Variants in ERC2 observed in about 807,000 individuals in gnomAD.
ERC2 encodes the protein ERC protein 2.
In ERC2, 42 loss-of-function variants were observed where a neutral mutation model predicts 114.8. The ratio of observed to expected loss-of-function variants is 0.37; its 90% CI spans 0.29 to 0.47. The LOEUF is 0.47. ERC2 is among the 20% of genes least tolerant of loss of function. The probability of loss-of-function intolerance (pLI) is 0.99; values close to 1 mark genes in which losing one functional copy is unlikely to be tolerated. For synonymous variants in ERC2, 454 were observed against 425.5 expected, an observed-to-expected ratio of 1.07 and a Z score of -0.82; for missense variants, 939 against 1,150.7, an observed-to-expected ratio of 0.82 and a Z score of 2.66.
chr3:55,976,745 AAAATAAATTT>A (rs764933289), intron 12 of ERC2, among the ~76,000 whole-genome samples: 1 of 152,198 alleles, frequency 6.6e-6, no homozygotes, highest in Non-Finnish European at 1.5e-5. Flanking sequence ...CCTAGGAAAA[AAAATAAATTT>A]ATATCCATGC....
chr3:55,639,477 G>C (rs1033464401), intron 17 of ERC2, among the ~76,000 whole-genome samples: 2 of 152,196 alleles, frequency 1.3e-5, no homozygotes, highest in East Asian at 1.9e-4. Context: ...GAAAGTATAG[G>C]CTGGAGACAA....
chr3:56,068,629 T>G (rs2076588228), intron 7 of ERC2, among the ~76,000 whole-genome samples: 1 of 152,100 alleles, frequency 6.6e-6, no homozygotes, highest in Non-Finnish European at 1.5e-5. Flanking sequence ...TCTTTTAGTT[T>G]TGATGTTACA....
chr3:55,550,825 G>A (rs138435880), intron 17 of ERC2, among the ~76,000 whole-genome samples: 11 of 151,956 alleles, frequency 7.2e-5, no homozygotes, highest in African/African-American at 2.2e-4. Flanking sequence ...GACCATCCTG[G>A]CTAACACGGT....
At chr3:56,006,235 T>C (rs185519031) in intron 10 of ERC2, among the ~76,000 whole-genome samples, 153 of 152,152 alleles carry the variant, frequency 1.0e-3, no homozygotes, top group African/African-American at 3.5e-3. Context: ...TCATACAAAA[T>C]AGTATATTAA....
chr3:55,798,808 T>A lies in ERC2; in HGVS notation c.2565-63890A>T, dbSNP rs550183456. Among the ~76,000 whole-genome samples, 3 of 151,764 alleles carry A rather than the reference T, an allele frequency of 2.0e-5. No individual in the cohort carries two copies. In the South Asian group the frequency reaches 6.3e-4, roughly 32 times the overall value. On this transcript the variant is annotated intron_variant, in intron 14 of 17. Coordinates refer to ENST00000288221, the MANE Select transcript of ERC2 (RefSeq NM_015576.3). ...CAGAGAAACGAAAATTGAAATGGTTTATCACCAATAGACCTACACTAAAAG... is the reference window on the plus strand; with the variant it reads ...CAGAGAAACGAAAATTGAAATGGTTAATCACCAATAGACCTACACTAAAAG...
At chr3:55,849,115 C>T (rs549868219) in intron 14 of ERC2, among the ~76,000 whole-genome samples, 1 of 152,298 alleles carries the variant, frequency 6.6e-6, no homozygotes, top group South Asian at 2.1e-4. Context: ...CACAGTCACT[C>T]TCATTTTCTA....
chr3:55,907,252 T>C (rs1053093594), intron 13 of ERC2, among the ~76,000 whole-genome samples: 5 of 152,200 alleles, frequency 3.3e-5, no homozygotes, highest in African/African-American at 1.2e-4. Context: ...AGAGAAAGAA[T>C]GCAAGACTTA....
rs146180372 is a variant in ERC2 at position 55,744,732 on chromosome 3, C to T, written c.2565-9814G>A. ...ACCCTGTGGAGTGTACTTTCATTTT[C>T]AATAAATCCCTGCTTTCATTCTTTT... On this transcript the variant is annotated intron_variant, in intron 14 of 17. Coordinates refer to ENST00000288221, the MANE Select transcript of ERC2 (RefSeq NM_015576.3). Among the ~76,000 whole-genome samples the T allele has an allele frequency of 1.3e-3, 204 of 152,338 alleles. 5 individuals are homozygous for T. In the East Asian group the frequency reaches 0.035, roughly 27 times the overall value.
At chr3:55,980,090 C>T (rs1053888844) in intron 12 of ERC2, among the ~76,000 whole-genome samples, 11 of 140,772 alleles carry the variant, frequency 7.8e-5, no homozygotes, top group African/African-American at 2.4e-4. Context: ...ACTATGTTTG[C>T]ACGAAGTGTA....
At chr3:55,939,750 T>C (rs2066666399) in intron 13 of ERC2, among the ~76,000 whole-genome samples, 1 of 152,204 alleles carries the variant, frequency 6.6e-6, no homozygotes, top group African/African-American at 2.4e-5. Flanking sequence ...AAAACAATAA[T>C]CTACTTCACA....
At chr3:55,823,312 C>T (rs927093765) in intron 14 of ERC2, among the ~76,000 whole-genome samples, 1 of 152,310 alleles carries the variant, frequency 6.6e-6, no homozygotes, top group Admixed American at 6.5e-5. Context: ...CTTTTAAAAT[C>T]CCAATATCCT....
At chr3:56,214,882 C>T (rs1041257987) in intron 3 of ERC2, among the ~76,000 whole-genome samples, 17 of 152,144 alleles carry the variant, frequency 1.1e-4, no homozygotes, top group Admixed American at 1.1e-3. Context: ...ATTTCATATC[C>T]AGCCAAACTA....
At chr3:55,934,098 G>A (rs575557857) in intron 13 of ERC2, among the ~76,000 whole-genome samples, 25 of 152,198 alleles carry the variant, frequency 1.6e-4, no homozygotes, top group African/African-American at 2.9e-4. Flanking sequence ...ATCTATATAC[G>A]CGCATATATA....
intron 7 of ERC2, among the ~76,000 whole-genome samples, chr3:56,029,941 A>G (rs921466565): frequency 6.6e-6 from 1 of 152,034 alleles, no homozygotes; most frequent in Non-Finnish European, 1.5e-5. Flanking sequence ...CTTTTTTCAT[A>G]TAAGCATCCA....
intron 17 of ERC2, among the ~76,000 whole-genome samples, chr3:55,652,859 C>CAAAAA (rs3059334): frequency 2.7e-5 from 2 of 74,360 alleles, no homozygotes; most frequent in African/African-American, 5.1e-5. Context: ...GACTCTGTCT[C>CAAAAA]AAAAAAAAAA....
At chr3:55,585,897 G>A (rs558280292) in intron 17 of ERC2, among the ~76,000 whole-genome samples, 8 of 152,294 alleles carry the variant, frequency 5.3e-5, no homozygotes, top group Admixed American at 1.3e-4. Context: ...TAAACAAAGC[G>A]AGGCAGAGCA....
chr3:56,103,837 C>G (rs1051223559), intron 6 of ERC2, among the ~76,000 whole-genome samples: 1 of 151,608 alleles, frequency 6.6e-6, no homozygotes, highest in African/African-American at 2.4e-5. Context: ...GGAGAGATTC[C>G]AAAAACCTAC....
chr3:55,796,401 G>T (rs1482498956), intron 14 of ERC2, among the ~76,000 whole-genome samples: 1 of 152,182 alleles, frequency 6.6e-6, no homozygotes, highest in Non-Finnish European at 1.5e-5. Flanking sequence ...TTACAGAACT[G>T]CAGTCCATGG....
chr3:55,905,524 G>A (rs2064384411), intron 13 of ERC2, among the ~76,000 whole-genome samples: 1 of 151,586 alleles, frequency 6.6e-6, no homozygotes, highest in Non-Finnish European at 1.5e-5. Flanking sequence ...TAACTCCGAG[G>A]GGAAGTCACC....
Sources: allele counts gnomAD v4.1 joint callset (sites outside exome capture counted in the v4.1 genomes callset), GRCh38; gene constraint gnomAD v4.1.1; transcripts MANE v1.5; gene names NCBI Gene and HGNC (gene_info 2026-07-23, HGNC 2026-07-21).